The following EXOC4 variants were observed in gnomAD, a reference collection of about 807,000 sequenced individuals.
EXOC4 encodes the protein SEC8-like 1.
EXOC4 carries 71 observed loss-of-function variants against 107.2 expected under a neutral mutation model. The ratio of observed to expected loss-of-function variants is 0.66; its 90% CI spans 0.55 to 0.81. The LOEUF (loss-of-function observed/expected upper bound fraction) is 0.81, where lower values mean the gene tolerates loss of function less well. EXOC4 is among the 30% of genes least tolerant of loss of function. EXOC4 has a pLI of 0.00. For missense variants in EXOC4, 1,108 were observed against 1,189.6 expected, an observed-to-expected ratio of 0.93 and a Z score of 1.01; for synonymous variants, 456 against 441.2, an observed-to-expected ratio of 1.03 and a Z score of -0.42.
intron 17 of EXOC4, among the ~76,000 whole-genome samples, chr7:134,040,182 C>T: frequency 6.6e-6 from 1 of 152,218 alleles, no homozygotes; most frequent in Non-Finnish European, 1.5e-5. Flanking sequence ...TGTAGATAGA[C>T]TAATCATCCC....
intron 9 of EXOC4, among the ~76,000 whole-genome samples, chr7:133,567,384 T>C (rs1176134305): frequency 6.6e-6 from 1 of 152,068 alleles, no homozygotes; most frequent in African/African-American, 2.4e-5. Flanking sequence ...ATGGCAAGAG[T>C]ATTACGTTGT....
chr7:133,939,394 C>G (rs536993415), intron 14 of EXOC4, among the ~76,000 whole-genome samples: 1 of 152,198 alleles, frequency 6.6e-6, no homozygotes, highest in Non-Finnish European at 1.5e-5. Context: ...GATTCTCTGC[C>G]TATCCCAAGG....
Position 133,692,370 on chromosome 7 carries a change from T to C in EXOC4, c.1514+62229T>C, listed in dbSNP as rs191662839. On this transcript the variant is annotated intron_variant, in intron 10 of 17. Coordinates refer to ENST00000253861, the MANE Select transcript of EXOC4 (RefSeq NM_021807.4). ...AGGAATTACTCATTGTGTGCTTTTC[T>C]TTTTACAGCATCGCAGGCTTTATTA... 4.9e-3 allele frequency among the ~76,000 whole-genome samples: 746 copies of C among 151,944 alleles called. 3 individuals carry two copies. The highest frequency in any genetic ancestry group is 0.017 in the Middle Eastern group (5 of 294).
chr7:134,042,477 GA>G (rs35579992), intron 17 of EXOC4, among the ~76,000 whole-genome samples: 67,548 of 145,174 alleles, frequency 0.47, 15,952 homozygotes, highest in Non-Finnish European at 0.52. Flanking sequence ...AGCATGCTAG[GA>G]AAAAAAAAAA....
At chr7:133,256,777 C>A (rs559070396) in intron 1 of EXOC4, among the ~76,000 whole-genome samples, 2 of 151,296 alleles carry the variant, frequency 1.3e-5, no homozygotes, top group African/African-American at 2.4e-5. Flanking sequence ...ATATTGTATT[C>A]AAAAAACTAC....
intron 9 of EXOC4, among the ~76,000 whole-genome samples, chr7:133,611,254 G>C (rs1331031457): frequency 6.6e-6 from 1 of 152,184 alleles, no homozygotes; most frequent in Admixed American, 6.5e-5. Flanking sequence ...CTTTAGCGTG[G>C]TTGATGATGG....
chr7:133,698,175 C>T (rs1348976237), intron 10 of EXOC4, among the ~76,000 whole-genome samples: 1 of 151,754 alleles, frequency 6.6e-6, no homozygotes, highest in Non-Finnish European at 1.5e-5. Flanking sequence ...TTTTGTTTAC[C>T]CCTGCTCTCT....
intron 9 of EXOC4, among the ~76,000 whole-genome samples, chr7:133,503,990 T>C (rs1799622686): frequency 6.7e-6 from 1 of 148,676 alleles, no homozygotes; most frequent in Non-Finnish European, 1.5e-5. Context: ...TGTATATGTG[T>C]GTATATATAT....
intron 11 of EXOC4, among the ~76,000 whole-genome samples, chr7:133,849,468 A>G (rs1285476947): frequency 6.6e-6 from 1 of 152,174 alleles, no homozygotes; most frequent in African/African-American, 2.4e-5. Flanking sequence ...AATATATAAT[A>G]AGATAACTGG....
chr7:134,069,327 C>A, downstream of EXOC4, among the ~76,000 whole-genome samples: 1 of 113,464 alleles, frequency 8.8e-6, no homozygotes, highest in African/African-American at 3.5e-5. Flanking sequence ...TTCTCCCCCT[C>A]CTTCTCCTCC....
chr7:133,535,983 C>T (rs543366536), intron 9 of EXOC4, among the ~76,000 whole-genome samples: 6 of 152,178 alleles, frequency 3.9e-5, no homozygotes, highest in Non-Finnish European at 8.8e-5. Context: ...AACTTTGCTT[C>T]TATTCTGAGT....
chr7:133,552,387 T>A (rs1178637069), intron 9 of EXOC4, among the ~76,000 whole-genome samples: 1 of 152,184 alleles, frequency 6.6e-6, no homozygotes, highest in African/African-American at 2.4e-5. Flanking sequence ...GTTACTGCTG[T>A]CACGCAAAAA....
chr7:133,897,948 A>G (rs1236863285), intron 12 of EXOC4, among the ~76,000 whole-genome samples: 2 of 152,088 alleles, frequency 1.3e-5, no homozygotes, highest in Non-Finnish European at 1.5e-5. Context: ...TCAAAATGGC[A>G]TTCCTTCTAA....
chr7:133,831,105 CAGGCACCCGCCACCACGCCTAGCT>C (rs1337948357), intron 11 of EXOC4, among the ~76,000 whole-genome samples: 26 of 152,194 alleles, frequency 1.7e-4, no homozygotes, highest in Non-Finnish European at 2.8e-4. Flanking sequence ...GCTGGGATTA[CAGGCACCCGCCACCACGCCTAGCT>C]AATTTTTGTA....
the EXOC4 span, among the ~76,000 whole-genome samples, chr7:134,093,046 A>G: frequency 1.6e-3 from 243 of 152,254 alleles, no homozygotes; most frequent in Middle Eastern, 0.01. Context: ...CAAAGCAAAA[A>G]GCTAACAACT....
intron 10 of EXOC4, among the ~76,000 whole-genome samples, chr7:133,661,696 A>AAAAAAAAAAAAC (rs1793687644): frequency 6.7e-6 from 1 of 149,464 alleles, no homozygotes; most frequent in Non-Finnish European, 1.5e-5. Flanking sequence ...AAACAAAAAA[A>AAAAAAAAAAAAC]AAAAAAACAA....
chr7:133,869,914 C>G (rs1459935394), intron 11 of EXOC4, among the ~76,000 whole-genome samples: 1 of 152,158 alleles, frequency 6.6e-6, no homozygotes, highest in Non-Finnish European at 1.5e-5. Context: ...TGGAAGCTAG[C>G]TGATTTTTTG....
In EXOC4 at chr7:133,754,865, A is replaced by T. The variant is rs1415836132; in HGVS notation, c.1515-62460A>T. Among the ~76,000 whole-genome samples, 3 of 152,010 alleles carry T rather than the reference A, an allele frequency of 2.0e-5. No homozygotes were observed. The East Asian group carries it at 5.8e-4, about 29-fold the overall frequency. On this transcript the variant is annotated intron_variant, in intron 10 of 17. Transcript: ENST00000253861. ...AAATTGATGCTTTCTTTTTCTCTAC[A>T]TATTTGCCCTTGCTCTTTATGAGGA... is the stretch of plus-strand genomic sequence containing the variant.
chr7:133,710,799 T>G (rs547138691), intron 10 of EXOC4, among the ~76,000 whole-genome samples: 8 of 151,816 alleles, frequency 5.3e-5, no homozygotes, highest in East Asian at 1.9e-4. Context: ...AATTTCTTTT[T>G]TTTTGTTTTG....
Sources: allele counts gnomAD v4.1 joint callset (sites outside exome capture counted in the v4.1 genomes callset), GRCh38; gene constraint gnomAD v4.1.1; transcripts MANE v1.5; gene names NCBI Gene and HGNC (gene_info 2026-07-23, HGNC 2026-07-21).